Variants in RAPGEF4 observed in about 807,000 individuals in gnomAD.
RAPGEF4 encodes RAP guanine-nucleotide-exchange factor (GEF) 4.
RAPGEF4 carries 66 observed loss-of-function variants against 147.9 expected under a neutral mutation model. The ratio of observed to expected loss-of-function variants is 0.45; its 90% CI spans 0.37 to 0.55. The LOEUF is 0.55. Ranked by LOEUF, RAPGEF4 falls within the 20% of genes least tolerant of loss-of-function variation. RAPGEF4 has a pLI of 0.00. For synonymous variants in RAPGEF4, 419 were observed against 442.7 expected, an observed-to-expected ratio of 0.95 and a Z score of 0.67; for missense variants, 1,071 against 1,257.3, an observed-to-expected ratio of 0.85 and a Z score of 2.24.
intron 3 of RAPGEF4, among the ~76,000 whole-genome samples, chr2:172,798,037 T>C (rs949341136): frequency 6.6e-6 from 1 of 152,188 alleles, no homozygotes; most frequent in African/African-American, 2.4e-5. Context: ...TCATCGGCCT[T>C]GTAGGAGATC....
At chr2:172,871,933 C>G (rs1695290030) in intron 4 of RAPGEF4, among the ~76,000 whole-genome samples, 1 of 152,158 alleles carries the variant, frequency 6.6e-6, no homozygotes, top group African/African-American at 2.4e-5. Context: ...TGGAGTCACA[C>G]AGCAAGGAAG....
intron 3 of RAPGEF4, among the ~76,000 whole-genome samples, chr2:172,803,353 C>T (rs1219553442): frequency 6.6e-6 from 1 of 152,216 alleles, no homozygotes; most frequent in South Asian, 2.1e-4. Context: ...TCTGCAGGCT[C>T]AACACCACAT....
chr2:172,772,549 G>A (rs2149491300), intron 1 of RAPGEF4, among the ~76,000 whole-genome samples: 1 of 152,152 alleles, frequency 6.6e-6, no homozygotes, highest in African/African-American at 2.4e-5. Context: ...TCACCACGTT[G>A]GCCAGGCTGG....
At chr2:172,914,526 A>G (rs1170267349) in intron 4 of RAPGEF4, among the ~76,000 whole-genome samples, 1 of 151,272 alleles carries the variant, frequency 6.6e-6, no homozygotes, top group East Asian at 1.9e-4. Flanking sequence ...AATTTGATAG[A>G]TCTAGTCACT....
At chr2:172,932,652 CAA>C (rs1314043561) in intron 6 of RAPGEF4, among the ~76,000 whole-genome samples, 6 of 152,272 alleles carry the variant, frequency 3.9e-5, no homozygotes, top group African/African-American at 1.4e-4. Context: ...GCTATAATAA[CAA>C]AGACTCAAAC....
intron 4 of RAPGEF4, among the ~76,000 whole-genome samples, chr2:172,822,442 G>A (rs1249381432): frequency 6.6e-6 from 1 of 152,212 alleles, no homozygotes; most frequent in African/African-American, 2.4e-5. Flanking sequence ...CAGACTCAAT[G>A]AAGTCCTTGC....
At chr2:172,845,653 C>T (rs1692097651) in intron 4 of RAPGEF4, among the ~76,000 whole-genome samples, 1 of 152,142 alleles carries the variant, frequency 6.6e-6, no homozygotes, top group Admixed American at 6.5e-5. Context: ...GGCCTATTTA[C>T]AAGTAGACTT....
intron 4 of RAPGEF4, among the ~76,000 whole-genome samples, chr2:172,845,085 T>G (rs1692026305): frequency 6.6e-6 from 1 of 152,220 alleles, no homozygotes; most frequent in African/African-American, 2.4e-5. Flanking sequence ...ATGGTATTGA[T>G]GAAAAGAAGT....
At chr2:172,764,144 C>T (rs1270515777) in intron 1 of RAPGEF4, among the ~76,000 whole-genome samples, 1 of 151,902 alleles carries the variant, frequency 6.6e-6, no homozygotes, top group Non-Finnish European at 1.5e-5. Context: ...GTCCCAGCTA[C>T]TCAGGAGACT....
intron 4 of RAPGEF4, among the ~76,000 whole-genome samples, chr2:172,826,367 G>A (rs940672567): frequency 7.2e-5 from 11 of 152,154 alleles, no homozygotes; most frequent in Non-Finnish European, 1.6e-4. Flanking sequence ...AAGTTTTAAT[G>A]AAACAGTTTT....
At position 172,917,760 on chromosome 2, in the gene RAPGEF4, A is replaced by C. The variant is rs763631863; in HGVS notation, c.445-42A>C. On this transcript the variant is annotated intron_variant, in intron 4 of 30. Transcript: ENST00000397081. ...ATGTAAATAAATGAATGCTCAAAGC[A>C]AGTAAATATCTGTGTGTTGAGTTTA... is the stretch of plus-strand genomic sequence containing the variant. 7.9e-6 allele frequency: 12 copies of C among 1,516,650 alleles called. No homozygotes were observed. The South Asian group carries it at 1.4e-4, about 17-fold the overall frequency. 93.9% of individuals were successfully genotyped at this position (1,516,650 alleles called of 1,614,324 possible).
intron 4 of RAPGEF4, among the ~76,000 whole-genome samples, chr2:172,846,736 T>A (rs1221387979): frequency 2.6e-5 from 4 of 152,334 alleles, no homozygotes; most frequent in African/African-American, 9.6e-5. Context: ...GACAGAGCAC[T>A]TCTCACACAA....
At chr2:172,966,106 G>A (rs1047942036) in intron 9 of RAPGEF4, among the ~76,000 whole-genome samples, 6 of 152,140 alleles carry the variant, frequency 3.9e-5, no homozygotes, top group African/African-American at 1.4e-4. Context: ...TAATTGTGCC[G>A]CTGTCTGGGA....
chr2:172,970,724 A>G (rs1336811690), intron 10 of RAPGEF4, among the ~76,000 whole-genome samples: 2 of 152,310 alleles, frequency 1.3e-5, no homozygotes, highest in South Asian at 2.1e-4. Flanking sequence ...CTGTCAAACT[A>G]TGAAAGAATG....
At chr2:172,976,971 G>A (rs764193395) in intron 10 of RAPGEF4, among the ~76,000 whole-genome samples, 1 of 152,162 alleles carries the variant, frequency 6.6e-6, no homozygotes, top group African/African-American at 2.4e-5. Flanking sequence ...AGCGGGATCC[G>A]ACAAATCCAC....
At chr2:172,822,053 G>T in intron 4 of RAPGEF4, 1 of 1,548,184 alleles carries the variant, frequency 6.5e-7, no homozygotes, top group Non-Finnish European at 8.9e-7. Context: ...TTGCATTTTG[G>T]AATTATGCTC....
chr2:172,969,790 G>A (rs1690260439), intron 10 of RAPGEF4, among the ~76,000 whole-genome samples: 1 of 152,198 alleles, frequency 6.6e-6, no homozygotes. Context: ...ATGAGAGCTT[G>A]TTTTCATGAG....
intron 6 of RAPGEF4, among the ~76,000 whole-genome samples, chr2:172,953,312 TTCTC>T (rs1454853391): frequency 6.8e-6 from 1 of 147,726 alleles, no homozygotes; most frequent in East Asian, 1.9e-4. Context: ...TATATAATAG[TTCTC>T]TATATATATC....
intron 14 of RAPGEF4, among the ~76,000 whole-genome samples, chr2:172,989,295 A>C (rs776632292): frequency 6.6e-6 from 1 of 152,084 alleles, no homozygotes; most frequent in African/African-American, 2.4e-5. Context: ...AGCCTGTCTC[A>C]TATCATCATA....
Sources: gnomAD v4.1 joint callset for allele counts (sites outside exome capture counted in the v4.1 genomes callset) on GRCh38, gnomAD v4.1.1 for gene constraint, MANE v1.5 for transcripts, NCBI Gene and HGNC (gene_info 2026-07-23, HGNC 2026-07-21) for gene names.